PDE4D: variants seen among roughly 807,000 people sequenced by gnomAD.
PDE4D encodes 3',5'-cyclic-AMP phosphodiesterase 4D.
Under a neutral mutation model 87.4 loss-of-function variants are expected in PDE4D, and 24 were observed. The ratio of observed to expected loss-of-function variants is 0.27; its 90% CI spans 0.20 to 0.39. PDE4D has a LOEUF of 0.39. PDE4D is among the 10% of genes least tolerant of loss of function. The probability of loss-of-function intolerance (pLI) is 1.00; values close to 1 mark genes in which losing one functional copy is unlikely to be tolerated. For synonymous variants in PDE4D, 384 were observed against 383.2 expected (o/e 1.00, Z -0.02); for missense variants, 714 against 1,041.0 (o/e 0.69, Z 4.32).
At chr5:58,981,141 C>T (rs1181276110) in intron 11 of PDE4D, among the ~76,000 whole-genome samples, 2 of 152,162 alleles carry the variant, frequency 1.3e-5, no homozygotes, top group African/African-American at 2.4e-5. Context: ...CTCTCACAGA[C>T]GCACCCCAAA....
intron 1 of PDE4D, among the ~76,000 whole-genome samples, chr5:60,233,357 A>C (rs1746035328): frequency 6.6e-6 from 1 of 151,798 alleles, no homozygotes; most frequent in Non-Finnish European, 1.5e-5. Flanking sequence ...ATGGTTATTA[A>C]TTTTTTGAGC....
intron 1 of PDE4D, among the ~76,000 whole-genome samples, chr5:59,444,485 T>C (rs921124341): frequency 6.6e-6 from 1 of 152,124 alleles, no homozygotes; most frequent in South Asian, 2.1e-4. Flanking sequence ...AAGTTGAGAT[T>C]TGGGCTTCTT....
chr5:58,983,204 C>T (rs1745634904), intron 11 of PDE4D, among the ~76,000 whole-genome samples: 3 of 152,232 alleles, frequency 2.0e-5, no homozygotes, highest in African/African-American at 7.2e-5. Context: ...TCCGGTGGTA[C>T]CTGCGTATCA....
chr5:59,152,893 T>G (rs1350919502), intron 5 of PDE4D, among the ~76,000 whole-genome samples: 2 of 152,032 alleles, frequency 1.3e-5, no homozygotes, highest in Non-Finnish European at 2.9e-5. Flanking sequence ...CACAACAAAA[T>G]TAGCCCAAAA....
intron 1 of PDE4D, among the ~76,000 whole-genome samples, chr5:60,493,330 C>T (rs544912155): frequency 5.9e-5 from 9 of 152,222 alleles, no homozygotes; most frequent in South Asian, 2.1e-4. Context: ...AGAGGGTTAC[C>T]GATCATGAAC....
intron 1 of PDE4D, among the ~76,000 whole-genome samples, chr5:59,287,651 C>T (rs1767225166): frequency 6.6e-6 from 1 of 151,506 alleles, no homozygotes; most frequent in South Asian, 2.1e-4. Context: ...CTATGCAGTC[C>T]CAGTGGTGGT....
chr5:59,830,692 C>T (rs539519468), intron 1 of PDE4D, among the ~76,000 whole-genome samples: 25 of 152,046 alleles, frequency 1.6e-4, no homozygotes, highest in African/African-American at 5.8e-4. Flanking sequence ...AGATAAAGAA[C>T]GTGTAGAGAA....
At chr5:59,659,828 G>A (rs970883490) in intron 1 of PDE4D, among the ~76,000 whole-genome samples, 4 of 152,160 alleles carry the variant, frequency 2.6e-5, no homozygotes, top group African/African-American at 9.7e-5. Context: ...CAAGATACCA[G>A]CAGTTAGAAG....
chr5:60,211,462 G>C (rs1743210949), intron 1 of PDE4D, among the ~76,000 whole-genome samples: 1 of 149,006 alleles, frequency 6.7e-6, no homozygotes, highest in South Asian at 2.1e-4. Flanking sequence ...TGGGGGGGTG[G>C]GGTAGGGAAT....
At chr5:60,498,965 C>G (rs1749944380) in intron 1 of PDE4D, among the ~76,000 whole-genome samples, 1 of 152,162 alleles carries the variant, frequency 6.6e-6, no homozygotes, top group Non-Finnish European at 1.5e-5. Flanking sequence ...GGTGATCAGC[C>G]ACCCAATGGC....
At chr5:59,567,197 A>T (rs1227325985) in intron 1 of PDE4D, among the ~76,000 whole-genome samples, 1 of 152,234 alleles carries the variant, frequency 6.6e-6, no homozygotes, top group Non-Finnish European at 1.5e-5. Flanking sequence ...CGTCAAAAAA[A>T]GTTGCTTTAA....
At chr5:60,165,707 A>G (rs992812671) in intron 2 of PDE4D, among the ~76,000 whole-genome samples, 2 of 149,318 alleles carry the variant, frequency 1.3e-5, no homozygotes, top group African/African-American at 2.4e-5. Flanking sequence ...ATATATAAAT[A>G]TGTTTTTATA....
chr5:59,973,180 A>C (rs1218943335), intron 3 of PDE4D, among the ~76,000 whole-genome samples: 1 of 152,226 alleles, frequency 6.6e-6, no homozygotes, highest in African/African-American at 2.4e-5. Flanking sequence ...ATTTGTATGA[A>C]TGAAATTGTA....
intron 1 of PDE4D, among the ~76,000 whole-genome samples, chr5:59,743,207 AAG>A (rs1274921047): frequency 6.6e-6 from 1 of 152,166 alleles, no homozygotes; most frequent in East Asian, 1.9e-4. Flanking sequence ...AATATAAAAA[AAG>A]AGAGCCCCCA....
intron 6 of PDE4D, chr5:58,999,688 A>C: frequency 9.1e-7 from 1 of 1,095,972 alleles, no homozygotes; most frequent in Non-Finnish European, 1.1e-6. Flanking sequence ...TATACATAAG[A>C]AAGCCTCGCA....
chr5:60,339,193 C>T (rs941540100), intron 1 of PDE4D, among the ~76,000 whole-genome samples: 2 of 151,766 alleles, frequency 1.3e-5, no homozygotes, highest in Admixed American at 1.3e-4. Flanking sequence ...TGTTTTTTTC[C>T]TTATTAGGTT....
chr5:60,247,028 G>C (rs1296213565), intron 1 of PDE4D, among the ~76,000 whole-genome samples: 1 of 151,994 alleles, frequency 6.6e-6, no homozygotes, highest in African/African-American at 2.4e-5. Context: ...AATCCATAGA[G>C]ATGTGTTTTT....
intron 1 of PDE4D, among the ~76,000 whole-genome samples, chr5:60,493,339 A>G (rs1212028624): frequency 3.3e-5 from 5 of 152,246 alleles, no homozygotes; most frequent in Non-Finnish European, 4.4e-5. Context: ...CCGATCATGA[A>G]CAGCTATGCT....
chr5:60,458,756 C>G (rs1349083566), intron 1 of PDE4D, among the ~76,000 whole-genome samples: 1 of 151,924 alleles, frequency 6.6e-6, no homozygotes, highest in Admixed American at 6.6e-5. Context: ...ACGCACCACA[C>G]CCGGACTCAT....
Sources: gnomAD v4.1 joint callset for allele counts (sites outside exome capture counted in the v4.1 genomes callset) on GRCh38, gnomAD v4.1.1 for gene constraint, MANE v1.5 for transcripts, NCBI Gene and HGNC (gene_info 2026-07-23, HGNC 2026-07-21) for gene names.